The following EYS variants were observed in gnomAD, a reference collection of about 807,000 sequenced individuals.
The protein encoded by EYS is EGF-like photoreceptor maintenance factor, also known as protein eyes shut homolog.
A neutral mutation model predicts 282.1 loss-of-function variants in EYS; 250 were observed. The ratio of observed to expected loss-of-function variants is 0.89; its 90% CI spans 0.80 to 0.98. The LOEUF (loss-of-function observed/expected upper bound fraction) is 0.98, where lower values mean the gene tolerates loss of function less well. EYS is among the 50% of genes least tolerant of loss of function. The pLI is 0.00. For synonymous variants in EYS, 1,355 were observed against 1,282.9 expected (o/e 1.06, Z -1.20); for missense variants, 4,016 against 3,709.0 (o/e 1.08, Z -2.15).
chr6:64,516,347 AC>A (rs1033223924), intron 26 of EYS, among the ~76,000 whole-genome samples: 1 of 151,790 alleles, frequency 6.6e-6, no homozygotes, highest in African/African-American at 2.4e-5. Flanking sequence ...ACTAATGGGT[AC>A]CAGGCTTAAT....
intron 35 of EYS, among the ~76,000 whole-genome samples, chr6:63,978,103 A>G (rs1766926554): frequency 6.6e-6 from 1 of 152,032 alleles, no homozygotes; most frequent in Non-Finnish European, 1.5e-5. Flanking sequence ...TACACCATCA[A>G]TGACAGAAGA....
intron 41 of EYS, among the ~76,000 whole-genome samples, chr6:63,755,888 TGCG>T (rs1769467433): frequency 6.6e-6 from 1 of 152,204 alleles, no homozygotes; most frequent in African/African-American, 2.4e-5. Context: ...TTATTCTCTT[TGCG>T]GCAACTGTGA....
intron 33 of EYS, among the ~76,000 whole-genome samples, chr6:64,040,109 G>A (rs1225868287): frequency 6.6e-6 from 1 of 152,130 alleles, no homozygotes; most frequent in African/African-American, 2.4e-5. Flanking sequence ...CTGAAAAAAC[G>A]TTTTCAGTTC....
intron 35 of EYS, among the ~76,000 whole-genome samples, chr6:63,954,678 C>A (rs182951446): frequency 6.6e-6 from 1 of 152,084 alleles, no homozygotes; most frequent in African/African-American, 2.4e-5. Context: ...CTATTCCTCA[C>A]GGCAGTTGTT....
chr6:65,647,399 AAAACAT>A (rs1767489771), intron 1 of EYS, among the ~76,000 whole-genome samples: 1 of 152,200 alleles, frequency 6.6e-6, no homozygotes, highest in Non-Finnish European at 1.5e-5. Context: ...AAAGCAAACA[AAAACAT>A]AAAGTGGGGA....
intron 31 of EYS, among the ~76,000 whole-genome samples, chr6:64,108,622 G>C (rs1180702967): frequency 6.7e-6 from 1 of 149,944 alleles, no homozygotes; most frequent in Non-Finnish European, 1.5e-5. Context: ...TAATTCTGCT[G>C]CTTATTAATT....
In EYS at chr6:64,686,860, T is replaced by TATATGTGTATATATATACACACAA; in HGVS notation, c.3444-60616_3444-60615insTTGTGTGTATATATATACACATAT. On this transcript the variant is annotated intron_variant, in intron 22 of 42. Transcript: ENST00000503581. The stretch of plus-strand genomic sequence containing the variant: ...ATACGTGTATATATATATATGTGTA[T>TATATGTGTATATATATACACACAA]ATATATACGTGTATATATATATACA... 7.7e-5 allele frequency among the ~76,000 whole-genome samples: 2 copies of TATATGTGTATATATATACACACAA among 25,982 alleles called. 1 individual carries two copies. The highest frequency in any genetic ancestry group is 2.2e-4 in the Non-Finnish European group (2 of 9,242). 17.0% of individuals were successfully genotyped at this position (25,982 alleles called of 152,430 possible). A position where few individuals can be genotyped will look rare whatever the true frequency, so the allele number is the denominator to read the frequency against.
At chr6:65,305,429 G>A (rs971903336) in intron 11 of EYS, among the ~76,000 whole-genome samples, 9 of 152,192 alleles carry the variant, frequency 5.9e-5, no homozygotes, top group African/African-American at 1.9e-4. Flanking sequence ...TACCCACTCA[G>A]TCTGTGTTAG....
At chr6:63,788,939 T>C (rs918865895) in intron 38 of EYS, 119 bp downstream of exon 38, 2 of 974,870 alleles carry the variant, frequency 2.1e-6, no homozygotes, top group Admixed American at 5.4e-5. Flanking sequence ...GTTGGTACAA[T>C]AGTCTGTGAA....
intron 12 of EYS, among the ~76,000 whole-genome samples, chr6:65,202,737 G>A (rs1385612797): frequency 6.6e-6 from 1 of 152,164 alleles, no homozygotes; most frequent in Non-Finnish European, 1.5e-5. Flanking sequence ...GCCTAGAATA[G>A]CTTTGTGATC....
intron 37 of EYS, among the ~76,000 whole-genome samples, chr6:63,792,266 C>T (rs1012781860): frequency 6.6e-6 from 1 of 151,848 alleles, no homozygotes; most frequent in Admixed American, 6.6e-5. Flanking sequence ...ATTCCCATGC[C>T]ATGAGTCCAT....
Position 65,650,097 on chromosome 6 carries a change from A to G in EYS, c.-447-10205T>C, listed in dbSNP as rs149595267. On this transcript the variant is annotated intron_variant, in intron 1 of 42. Transcript: ENST00000503581. ...TACAAAACTTTCTGTGAATGAAGGGAAAGCAGTTTTTTATCTGAGTATTCT... is the reference window on the plus strand; with the variant it reads ...TACAAAACTTTCTGTGAATGAAGGGGAAGCAGTTTTTTATCTGAGTATTCT... 5.9e-5 allele frequency among the ~76,000 whole-genome samples: 9 copies of G among 152,336 alleles called. No individual in the cohort carries two copies. The East Asian group carries it at 1.5e-3, about 26-fold the overall frequency.
intron 22 of EYS, among the ~76,000 whole-genome samples, chr6:64,698,431 T>C (rs1488636099): frequency 1.3e-5 from 2 of 152,014 alleles, no homozygotes; most frequent in Non-Finnish European, 2.9e-5. Context: ...TCAGTTGGAC[T>C]AACCAAGAAA....
intron 26 of EYS, among the ~76,000 whole-genome samples, chr6:64,479,261 C>T (rs942505165): frequency 4.0e-5 from 6 of 151,848 alleles, no homozygotes; most frequent in African/African-American, 1.4e-4. Context: ...ACCTCAAGAC[C>T]CAGTCCTCTC....
At chr6:64,940,127 C>T (rs1583313383) in intron 15 of EYS, among the ~76,000 whole-genome samples, 1 of 151,880 alleles carries the variant, frequency 6.6e-6, no homozygotes, top group Admixed American at 6.6e-5. Context: ...GAGCAAAGAC[C>T]CACTCTTTGA....
At chr6:64,808,730 T>C (rs9453021) in intron 22 of EYS, among the ~76,000 whole-genome samples, 64,951 of 151,882 alleles carry the variant, frequency 0.43, 15,165 homozygotes, top group Admixed American at 0.62. Flanking sequence ...AATCTACCTA[T>C]CTTTCAAAAT....
intron 31 of EYS, among the ~76,000 whole-genome samples, chr6:64,201,386 G>T (rs1765457361): frequency 6.6e-6 from 1 of 152,074 alleles, no homozygotes; most frequent in Admixed American, 6.6e-5. Context: ...TATTCAATAT[G>T]TTGGGGCTAA....
intron 26 of EYS, among the ~76,000 whole-genome samples, chr6:64,535,164 C>T (rs532803136): frequency 1.3e-5 from 2 of 152,210 alleles, no homozygotes; most frequent in South Asian, 4.2e-4. Flanking sequence ...TCTAAACTCA[C>T]CAACTCCCAA....
At chr6:65,269,885 A>T (rs1767851523) in intron 12 of EYS, among the ~76,000 whole-genome samples, 1 of 152,114 alleles carries the variant, frequency 6.6e-6, no homozygotes, top group Non-Finnish European at 1.5e-5. Flanking sequence ...ATATCCTTAC[A>T]TTGTGGGTTA....
Sources: gnomAD v4.1 joint callset for allele counts (sites outside exome capture counted in the v4.1 genomes callset) on GRCh38, gnomAD v4.1.1 for gene constraint, MANE v1.5 for transcripts, NCBI Gene and HGNC (gene_info 2026-07-23, HGNC 2026-07-21) for gene names.